The following CCSER1 variants were observed in gnomAD, a reference collection of about 807,000 sequenced individuals.
CCSER1 encodes serine-rich coiled-coil domain-containing protein 1.
Under a neutral mutation model 82.0 loss-of-function variants are expected in CCSER1, and 41 were observed. The observed-to-expected ratio is 0.50, with a 90% CI of 0.39 to 0.65. The LOEUF (loss-of-function observed/expected upper bound fraction) is 0.65, where lower values mean the gene tolerates loss of function less well. Ranked by LOEUF, CCSER1 falls within the 30% of genes least tolerant of loss-of-function variation. The pLI is 0.00. For synonymous variants in CCSER1, 414 were observed against 383.9 expected (o/e 1.08, Z -0.92); for missense variants, 1,119 against 1,064.2 (o/e 1.05, Z -0.72).
chr4:91,204,644 A>C (rs1736198156), intron 10 of CCSER1, among the ~76,000 whole-genome samples: 1 of 151,854 alleles, frequency 6.6e-6, no homozygotes, highest in Non-Finnish European at 1.5e-5. Context: ...AAACTGAAAA[A>C]AAATCACTAT....
At chr4:91,155,241 G>A (rs1222949895) in intron 10 of CCSER1, among the ~76,000 whole-genome samples, 1 of 151,782 alleles carries the variant, frequency 6.6e-6, no homozygotes, top group East Asian at 1.9e-4. Flanking sequence ...GAATTATAGG[G>A]GTAGATTTTG....
intron 10 of CCSER1, among the ~76,000 whole-genome samples, chr4:91,458,041 C>G (rs1186714200): frequency 6.6e-6 from 1 of 152,076 alleles, no homozygotes; most frequent in Non-Finnish European, 1.5e-5. Flanking sequence ...GCTTTAGTAG[C>G]CATGCTTTTG....
intron 1 of CCSER1, among the ~76,000 whole-genome samples, chr4:90,189,642 C>T (rs1034582704): frequency 1.3e-5 from 2 of 151,662 alleles, no homozygotes; most frequent in African/African-American, 4.8e-5. Flanking sequence ...TTATATCCTG[C>T]AGAATTTGTG....
rs115143600 is a variant in CCSER1, at chr4:90,759,353, C to G, written c.2010+35362C>G. ...GAGAGGATAACTAGAAAATTGAGTT[C>G]TTTAAAGATATTGGGAATAGGACAA... On this transcript the variant is annotated intron_variant, in intron 7 of 10. Coordinates refer to ENST00000509176, the MANE Select transcript of CCSER1 (RefSeq NM_001145065.2). 5.9e-3 allele frequency among the ~76,000 whole-genome samples: 891 copies of G among 152,172 alleles called. 8 individuals carry two copies. Among genetic ancestry groups the G allele is most frequent in the African/African-American group, 0.02 (847 of 41,510 alleles).
chr4:91,372,031 A>G (rs1419696979), intron 10 of CCSER1, among the ~76,000 whole-genome samples: 2 of 152,216 alleles, frequency 1.3e-5, no homozygotes, highest in African/African-American at 2.4e-5. Context: ...GTTTCCTACT[A>G]TAAATAAAAA....
At chr4:91,165,437 C>G (rs1036644762) in intron 10 of CCSER1, among the ~76,000 whole-genome samples, 2 of 152,176 alleles carry the variant, frequency 1.3e-5, no homozygotes, top group Non-Finnish European at 2.9e-5. Flanking sequence ...AAACACTGAG[C>G]TGGGTGAACT....
chr4:91,496,729 T>TTGA lies in CCSER1; in HGVS notation c.2218-101843_2218-101842insTGA, dbSNP rs1187745849. Among the ~76,000 whole-genome samples, 92 of 55,706 alleles carry TTGA rather than the reference T, an allele frequency of 1.7e-3. 21 individuals carry two copies. Among genetic ancestry groups the TTGA allele is most frequent in the African/African-American group, 5.5e-3 (91 of 16,398 alleles). The allele number at this position is 55,706 out of a possible 152,430, so 36.5% of individuals were successfully genotyped here. ...ATATATATTCAATATATAGAATATA[T>TTGA]ATATATATTGAATATATATTTGAAT... On this transcript the variant is annotated intron_variant, in intron 10 of 10. Transcript: ENST00000509176.
At chr4:90,369,781 C>T (rs780942030) in intron 3 of CCSER1, among the ~76,000 whole-genome samples, 1 of 151,950 alleles carries the variant, frequency 6.6e-6, no homozygotes. Context: ...ACTTATATTA[C>T]ACTCTAAGAA....
intron 10 of CCSER1, among the ~76,000 whole-genome samples, chr4:91,448,417 A>C (rs1755690583): frequency 6.6e-6 from 1 of 152,114 alleles, no homozygotes; most frequent in Non-Finnish European, 1.5e-5. Flanking sequence ...ATAATAGTTC[A>C]AATTGCTTAA....
chr4:91,154,247 G>A (rs1365675186), intron 10 of CCSER1, among the ~76,000 whole-genome samples: 1 of 152,038 alleles, frequency 6.6e-6, no homozygotes, highest in Non-Finnish European at 1.5e-5. Context: ...CCACCTTGCA[G>A]TTTGATCTCA....
intron 8 of CCSER1, among the ~76,000 whole-genome samples, chr4:90,886,369 T>A (rs1022055594): frequency 1.3e-5 from 2 of 152,168 alleles, no homozygotes; most frequent in African/African-American, 4.8e-5. Context: ...AAAAAAATCA[T>A]CTTCTTGTTC....
intron 10 of CCSER1, among the ~76,000 whole-genome samples, chr4:91,144,903 T>G (rs1403689392): frequency 6.6e-6 from 1 of 152,114 alleles, no homozygotes; most frequent in Non-Finnish European, 1.5e-5. Flanking sequence ...TCTTAAAGTA[T>G]GTACTGTGTG....
rs1439370849 is a variant in CCSER1, at chr4:90,811,957, CATATATATACACATAT to C, written c.2011-3795_2011-3780del. ...CACATATATACACTTAATAAACTCA[CATATATATACACATAT>C]ATATATATATATATATAAACACATA... On this transcript the variant is annotated intron_variant, in intron 7 of 10. Transcript: ENST00000509176. Among the ~76,000 whole-genome samples, 200 of 105,580 alleles carry C rather than the reference CATATATATACACATAT, an allele frequency of 1.9e-3. 1 individual carries two copies. The highest frequency in any genetic ancestry group is 6.7e-3 in the African/African-American group (193 of 28,802). 69.3% of individuals were successfully genotyped at this position (105,580 alleles called of 152,430 possible).
At chr4:91,084,292 G>A (rs1477078105) in intron 9 of CCSER1, among the ~76,000 whole-genome samples, 1 of 152,112 alleles carries the variant, frequency 6.6e-6, no homozygotes, top group Non-Finnish European at 1.5e-5. Context: ...ATGAGAGGAG[G>A]CAGAAGAGAA....
rs761199208 is a variant in CCSER1, at chr4:90,308,814, C to G, written c.530C>G (p.Thr177Arg). ...DQTRRSVKQS[T>R]RKLLPKSFSS... is the part of the protein sequence containing the mutation. ...ACTCGTCGTTCTGTTAAGCAGTCAA[C>G]AAGGAAGCTACTCCCTAAATCTTTT... The change falls in exon 2 of 11, where the codon ACA becomes AGA. Residue 177 changes from threonine (T) to arginine (R), a missense_variant. By Grantham distance (71) the Thr-to-Arg change is moderately conservative. Transcript: ENST00000509176. 1 of 1,613,760 alleles carries G rather than the reference C, an allele frequency of 6.2e-7. No homozygotes were observed.
intron 6 of CCSER1, among the ~76,000 whole-genome samples, chr4:90,719,465 C>T (rs73833783): frequency 0.058 from 8,759 of 152,136 alleles, 611 homozygotes; most frequent in African/African-American, 0.17. Flanking sequence ...CCTAAATCAT[C>T]CCCCTCCCAC....
chr4:91,427,719 A>G lies in CCSER1; in HGVS notation c.2218-170853A>G, dbSNP rs1480191931. On this transcript the variant is annotated intron_variant, in intron 10 of 10. Coordinates refer to ENST00000509176, the MANE Select transcript of CCSER1 (RefSeq NM_001145065.2). ...GAAATATTAGCCATTATTCTTATAA[A>G]ATAATATAATAATTGTATTTACTAT... Among the ~76,000 whole-genome samples, 3 of 152,242 alleles carry G rather than the reference A, an allele frequency of 2.0e-5. No homozygotes were observed. The East Asian group carries it at 5.8e-4, about 29-fold the overall frequency.
intron 9 of CCSER1, among the ~76,000 whole-genome samples, chr4:91,056,102 T>C (rs1743420927): frequency 6.6e-6 from 1 of 152,140 alleles, no homozygotes; most frequent in Non-Finnish European, 1.5e-5. Flanking sequence ...TTTCCTGAAA[T>C]TCTTCATGTC....
intron 4 of CCSER1, among the ~76,000 whole-genome samples, chr4:90,411,716 C>G (rs1754862377): frequency 6.6e-6 from 1 of 152,166 alleles, no homozygotes; most frequent in Non-Finnish European, 1.5e-5. Flanking sequence ...TGGCACAAGA[C>G]AGGGATGCCC....
Sources: gnomAD v4.1 joint callset for allele counts (sites outside exome capture counted in the v4.1 genomes callset) on GRCh38, gnomAD v4.1.1 for gene constraint, MANE v1.5 for transcripts, NCBI Gene and HGNC (gene_info 2026-07-23, HGNC 2026-07-21) for gene names.